Variants in SUCLG2 observed in about 807,000 individuals in gnomAD.
SUCLG2 encodes succinate-CoA ligase GDP-forming subunit beta, also known as succinate--CoA ligase [GDP-forming] subunit beta, mitochondrial.
A neutral mutation model predicts 47.9 loss-of-function variants in SUCLG2; 42 were observed. That is an observed-to-expected ratio of 0.88 (90% CI 0.69 to 1.14). The LOEUF (loss-of-function observed/expected upper bound fraction) is 1.14, where lower values mean the gene tolerates loss of function less well. Ranked by LOEUF, SUCLG2 falls within the 50% of genes most tolerant of loss-of-function variation. The probability of loss-of-function intolerance (pLI) is 0.00; values close to 1 mark genes in which losing one functional copy is unlikely to be tolerated. For synonymous variants in SUCLG2, 195 were observed against 197.3 expected (o/e 0.99, Z 0.10); for missense variants, 571 against 525.9 (o/e 1.09, Z -0.84).
intron 7 of SUCLG2, among the ~76,000 whole-genome samples, chr3:67,500,557 A>G (rs1255968242): frequency 1.3e-5 from 2 of 152,212 alleles, no homozygotes; most frequent in Non-Finnish European, 2.9e-5. Context: ...ACAGAATCCT[A>G]CAATTACCAA....
intron 2 of SUCLG2, among the ~76,000 whole-genome samples, chr3:67,560,450 G>C (rs1707279054): frequency 6.6e-6 from 1 of 152,158 alleles, no homozygotes; most frequent in Non-Finnish European, 1.5e-5. Context: ...GTTAGGTAAA[G>C]AACGTGAGAT....
intron 2 of SUCLG2, among the ~76,000 whole-genome samples, chr3:67,588,332 T>C (rs1708077264): frequency 6.6e-6 from 1 of 152,242 alleles, no homozygotes; most frequent in Non-Finnish European, 1.5e-5. Context: ...GGTACTCTAA[T>C]ATGCTATTTA....
At chr3:67,517,977 A>G (rs967291747) in intron 6 of SUCLG2, among the ~76,000 whole-genome samples, 1 of 152,224 alleles carries the variant, frequency 6.6e-6, no homozygotes, top group Non-Finnish European at 1.5e-5. Flanking sequence ...TACAGAAAAA[A>G]TAGAGATTAC....
intron 1 of SUCLG2, among the ~76,000 whole-genome samples, chr3:67,620,103 A>C (rs894349288): frequency 6.6e-6 from 1 of 152,164 alleles, no homozygotes; most frequent in African/African-American, 2.4e-5. Flanking sequence ...TTCATTTAAC[A>C]ATTTTCCACT....
At chr3:67,615,105 G>A (rs1700600635) in intron 1 of SUCLG2, among the ~76,000 whole-genome samples, 1 of 152,076 alleles carries the variant, frequency 6.6e-6, no homozygotes, top group Admixed American at 6.6e-5. Flanking sequence ...AAAGATTTAA[G>A]GGCCTATGGG....
chr3:67,502,815 A>G (rs537522893), intron 7 of SUCLG2, among the ~76,000 whole-genome samples: 3 of 152,358 alleles, frequency 2.0e-5, no homozygotes, highest in African/African-American at 7.2e-5. Flanking sequence ...TTCTGAATGA[A>G]TAAGAATTTT....
chr3:67,570,573 TG>T (rs1406351965), intron 2 of SUCLG2, among the ~76,000 whole-genome samples: 1 of 152,192 alleles, frequency 6.6e-6, no homozygotes, highest in Non-Finnish European at 1.5e-5. Context: ...TGTTTTACAG[TG>T]GGGAACACAG....
chr3:67,387,713 T>G (rs544225133), intron 10 of SUCLG2, among the ~76,000 whole-genome samples: 26 of 152,308 alleles, frequency 1.7e-4, no homozygotes, highest in Non-Finnish European at 3.2e-4. Context: ...ATTATTTTCC[T>G]TAATATTCTC....
At chr3:67,502,573 G>C (rs1705526511) in intron 7 of SUCLG2, among the ~76,000 whole-genome samples, 1 of 152,134 alleles carries the variant, frequency 6.6e-6, no homozygotes, top group African/African-American at 2.4e-5. Flanking sequence ...CTAGACAGTG[G>C]GTACTAGCAG....
At chr3:67,471,934 TAAAGAA>T (rs1183776247) in intron 9 of SUCLG2, among the ~76,000 whole-genome samples, 3 of 152,042 alleles carry the variant, frequency 2.0e-5, no homozygotes, top group Non-Finnish European at 4.4e-5. Context: ...ACAATGTGAT[TAAAGAA>T]AACATATTAG....
At chr3:67,574,148 T>C (rs1707687034) in intron 2 of SUCLG2, among the ~76,000 whole-genome samples, 2 of 152,272 alleles carry the variant, frequency 1.3e-5, no homozygotes, top group Admixed American at 6.5e-5. Flanking sequence ...CCTCCTTTCA[T>C]CTCTCATCTC....
chr3:67,592,718 C>CAAAAAAAAAAAAAAAAAAAAA (rs754866312), intron 2 of SUCLG2, among the ~76,000 whole-genome samples: 4 of 80,256 alleles, frequency 5.0e-5, no homozygotes, highest in African/African-American at 2.4e-4. Context: ...TCACATCCTC[C>CAAAAAAAAAAAAAAAAAAAAA]AAAAAAAAAA....
At chr3:67,529,276 T>TAAAAGTATGTG in intron 2 of SUCLG2, 90 bp from the exon 3 acceptor site, 1 of 914,850 alleles carries the variant, frequency 1.1e-6, no homozygotes, top group Non-Finnish European at 1.7e-6. Flanking sequence ...GCACATAACT[T>TAAAAGTATGTG]CCAAGTAACT....
At chr3:67,407,987 A>C (rs1702853278) in intron 9 of SUCLG2, among the ~76,000 whole-genome samples, 1 of 152,212 alleles carries the variant, frequency 6.6e-6, no homozygotes, top group African/African-American at 2.4e-5. Flanking sequence ...TTTAATAAAA[A>C]ATACTCTGCT....
intron 9 of SUCLG2, among the ~76,000 whole-genome samples, chr3:67,411,849 T>G (rs1480748935): frequency 6.6e-6 from 1 of 152,102 alleles, no homozygotes; most frequent in African/African-American, 2.4e-5. Flanking sequence ...TCAGGTAAAT[T>G]AAGAGGAAAA....
Position 67,400,738 on chromosome 3 carries a change from C to A in SUCLG2, c.1176G>T (p.Arg392=). 1 of 1,611,690 alleles carries A rather than the reference C, an allele frequency of 6.2e-7. No homozygotes were observed. The highest frequency in any genetic ancestry group is 8.5e-7 in the Non-Finnish European group (1 of 1,179,900). ...AAATCTACCATGACTCACCTTCAAG[C>A]CGGACCACCAGGGGCACCTTGAGTT... The part of the protein sequence containing the change: ...ELELKVPLVV[R]LEGTNVQEAQ... Residue 392 remains arginine, a synonymous_variant, in exon 10 of 11, where the codon CGG becomes CGT. Transcript: ENST00000307227.
intron 9 of SUCLG2, among the ~76,000 whole-genome samples, chr3:67,473,281 G>T (rs1704650480): frequency 6.6e-6 from 1 of 152,072 alleles, no homozygotes. Context: ...CCGGACTAAG[G>T]TGTTTCTCCC....
intron 1 of SUCLG2, among the ~76,000 whole-genome samples, 174 bp downstream of exon 1, chr3:67,654,329 A>G (rs1053740546): frequency 1.3e-5 from 2 of 152,054 alleles, no homozygotes; most frequent in Admixed American, 1.3e-4. Flanking sequence ...CCTGCCCCAC[A>G]CTGGAGCGGG....
chr3:67,408,302 T>C (rs1025763032), intron 9 of SUCLG2, among the ~76,000 whole-genome samples: 6 of 152,166 alleles, frequency 3.9e-5, no homozygotes, highest in African/African-American at 1.4e-4. Context: ...CCTCGAAAGA[T>C]ACCCTCCCAC....
Sources: gnomAD v4.1 joint callset for allele counts (sites outside exome capture counted in the v4.1 genomes callset) on GRCh38, gnomAD v4.1.1 for gene constraint, MANE v1.5 for transcripts, NCBI Gene and HGNC (gene_info 2026-07-23, HGNC 2026-07-21) for gene names.